Variants in CLTRN observed in about 807,000 individuals in gnomAD.
CLTRN encodes the protein collectrin.
A neutral mutation model predicts 14.5 loss-of-function variants in CLTRN; 12 were observed. The observed-to-expected ratio is 0.83, with a 90% CI of 0.53 to 1.34. The LOEUF (loss-of-function observed/expected upper bound fraction) is 1.34. Ranked by LOEUF, CLTRN falls within the 40% of genes most tolerant of loss-of-function variation. The pLI is 0.00. For missense variants in CLTRN, 154 were observed against 165.1 expected (o/e 0.93, Z 0.37); for synonymous variants, 58 against 56.5 (o/e 1.03, Z -0.12).
chrX:15,653,251 C>G (rs774715956), intron 3 of CLTRN, among the ~76,000 whole-genome samples: 1 of 109,846 alleles, frequency 9.1e-6, no homozygotes, highest in African/African-American at 3.3e-5. Flanking sequence ...CCCGGCAGGC[C>G]TCTCTACTTC....
chrX:15,660,220 TAAC>T (rs758407438), intron 2 of CLTRN, among the ~76,000 whole-genome samples: 3 of 111,758 alleles, frequency 2.7e-5, no homozygotes, highest in South Asian at 7.5e-4. Context: ...GACTCCTAAA[TAAC>T]AACAACAAAA....
chrX:15,645,925 T>G (rs1303905703), intron 3 of CLTRN, among the ~76,000 whole-genome samples: 1 of 113,176 alleles, frequency 8.8e-6, no homozygotes, highest in African/African-American at 3.2e-5. Context: ...AGGATTTGTT[T>G]AGAGCATCCA....
intron 2 of CLTRN, among the ~76,000 whole-genome samples, chrX:15,661,694 A>G (rs986288449): frequency 8.9e-6 from 1 of 112,156 alleles, no homozygotes; most frequent in Admixed American, 9.4e-5. Flanking sequence ...CAGGGTAAAT[A>G]CCCCCAAAAA....
chrX:15,653,772 C>T (rs1208555419), intron 3 of CLTRN, among the ~76,000 whole-genome samples: 4 of 111,951 alleles, frequency 3.6e-5, no homozygotes, highest in Non-Finnish European at 5.6e-5. Flanking sequence ...AATGCAGAGT[C>T]CGAGAAGGGC....
intron 2 of CLTRN, among the ~76,000 whole-genome samples, chrX:15,661,178 G>A (rs1460112727): frequency 8.9e-6 from 1 of 112,334 alleles, no homozygotes; most frequent in African/African-American, 3.2e-5. Flanking sequence ...ACAGAATGCA[G>A]ACACAAGGAA....
At chrX:15,650,571 G>A (rs1461474984) in intron 3 of CLTRN, among the ~76,000 whole-genome samples, 1 of 111,819 alleles carries the variant, frequency 8.9e-6, no homozygotes, top group East Asian at 2.8e-4. Context: ...AGTTTCTTAA[G>A]CATCATTTCT....
At chrX:15,662,598 T>A (rs979038926) in intron 2 of CLTRN, among the ~76,000 whole-genome samples, 11 of 111,928 alleles carry the variant, frequency 9.8e-5, no homozygotes, top group African/African-American at 3.3e-4. Flanking sequence ...TACCTACTGC[T>A]ATCTCTTTCC....
chrX:15,664,829 A>C, upstream of CLTRN: 2 of 1,023,734 alleles, frequency 2.0e-6, no homozygotes, highest in South Asian at 4.0e-5. Context: ...TCCACGCTGC[A>C]CTTAAATCTG....
intron 5 of CLTRN, among the ~76,000 whole-genome samples, chrX:15,636,169 C>G (rs184068921): frequency 1.9e-3 from 212 of 112,209 alleles, no homozygotes; most frequent in African/African-American, 6.3e-3. Context: ...AAATAAACTT[C>G]CATATGATCC....
Position 15,630,323 on chromosome X carries a change from G to A in CLTRN, c.513-2196C>T, listed in dbSNP as rs151062764. On this transcript the variant is annotated intron_variant, in intron 5 of 5. Transcript: ENST00000380342. ...TGTTGTAGGTAAAGTTACTCAGGCA[G>A]TAGCCCTAGGTAGACCTTGAACGGG... 1.5e-4 allele frequency among the ~76,000 whole-genome samples: 16 copies of A among 109,281 alleles called. No individual in the cohort carries two copies. The East Asian group carries it at 4.6e-3, about 31-fold the overall frequency. The allele number at this position is 109,281 out of a possible 115,157, so 94.9% of individuals were successfully genotyped here.
chrX:15,667,111 C>A (rs192410714), upstream of CLTRN, among the ~76,000 whole-genome samples: 96 of 111,409 alleles, frequency 8.6e-4, no homozygotes, highest in African/African-American at 3.1e-3. Flanking sequence ...GTGGCAGGTG[C>A]CTGTAGTCCC....
At chrX:15,658,309 T>C (rs966639177) in intron 3 of CLTRN, among the ~76,000 whole-genome samples, 1 of 112,557 alleles carries the variant, frequency 8.9e-6, no homozygotes, top group Non-Finnish European at 1.9e-5. Context: ...CACCTGTGCA[T>C]GCAGGGCCTG....
At chrX:15,655,191 C>T (rs1310703134) in intron 3 of CLTRN, among the ~76,000 whole-genome samples, 2 of 112,236 alleles carry the variant, frequency 1.8e-5, no homozygotes, top group African/African-American at 3.2e-5. Context: ...TCCCCTCCAC[C>T]ATGCTTCATT....
chrX:15,658,711 TA>T (rs2147212199), intron 3 of CLTRN, among the ~76,000 whole-genome samples: 1 of 19,557 alleles, frequency 5.1e-5, no homozygotes, highest in South Asian at 3.2e-3. Context: ...GCAAGAAAAT[TA>T]TATATATATA....
At chrX:15,668,913 A>C (rs1358984684), upstream of CLTRN, among the ~76,000 whole-genome samples, 1 of 111,944 alleles carries the variant, frequency 8.9e-6, no homozygotes, top group Non-Finnish European at 1.9e-5. Context: ...CATGGACTTT[A>C]TAGAGTATTT....
intron 3 of CLTRN, among the ~76,000 whole-genome samples, chrX:15,656,852 G>A (rs753513172): frequency 9.0e-6 from 1 of 110,668 alleles, no homozygotes. Flanking sequence ...AGAAAAATGT[G>A]TACTGACCCT....
At chrX:15,653,481 T>C (rs1929276070) in intron 3 of CLTRN, among the ~76,000 whole-genome samples, 1 of 111,276 alleles carries the variant, frequency 9.0e-6, no homozygotes, top group Non-Finnish European at 1.9e-5. Context: ...CTTCATCCTC[T>C]TCCTCACCAT....
chrX:15,656,070 C>G (rs1929352920), intron 3 of CLTRN, among the ~76,000 whole-genome samples: 1 of 111,857 alleles, frequency 8.9e-6, no homozygotes, highest in Non-Finnish European at 1.9e-5. Context: ...TGCCACAGCC[C>G]TCTCTGCAAG....
At chrX:15,642,017 A>G (rs1301049971) in intron 4 of CLTRN, among the ~76,000 whole-genome samples, 1 of 112,246 alleles carries the variant, frequency 8.9e-6, no homozygotes, top group African/African-American at 3.2e-5. Flanking sequence ...CCAACAATGG[A>G]ATATTTTATT....
Sources: allele counts gnomAD v4.1 joint callset (sites outside exome capture counted in the v4.1 genomes callset), GRCh38; gene constraint gnomAD v4.1.1; transcripts MANE v1.5; gene names NCBI Gene and HGNC (gene_info 2026-07-23, HGNC 2026-07-21).